Variants in PRKCE observed in about 807,000 individuals in gnomAD.
PRKCE encodes protein kinase C epsilon, also known as protein kinase C epsilon type.
PRKCE carries 16 observed loss-of-function variants against 85.4 expected under a neutral mutation model. The ratio of observed to expected loss-of-function variants is 0.19; its 90% CI spans 0.13 to 0.28. PRKCE has a LOEUF of 0.28. Among genes scored for constraint, PRKCE ranks in the 10% least tolerant of loss-of-function variants. PRKCE has a pLI of 1.00. For missense variants in PRKCE, 573 were observed against 975.2 expected (o/e 0.59, Z 5.49); for synonymous variants, 388 against 371.5 (o/e 1.04, Z -0.51).
intron 1 of PRKCE, among the ~76,000 whole-genome samples, chr2:45,803,548 G>C (rs935349339): frequency 1.6e-4 from 24 of 152,160 alleles, no homozygotes; most frequent in African/African-American, 5.5e-4. Context: ...TGCCCTGCTT[G>C]TCACATTTGA....
intron 11 of PRKCE, among the ~76,000 whole-genome samples, chr2:46,100,816 C>T (rs1237003160): frequency 6.6e-6 from 1 of 152,144 alleles, no homozygotes; most frequent in Non-Finnish European, 1.5e-5. Flanking sequence ...CACATTCTGT[C>T]TCTAGCTTCT....
chr2:46,076,884 A>C (rs1668603184), intron 10 of PRKCE, among the ~76,000 whole-genome samples: 1 of 152,228 alleles, frequency 6.6e-6, no homozygotes, highest in Non-Finnish European at 1.5e-5. Flanking sequence ...GAAATAACCC[A>C]GACACAGAAG....
chr2:46,141,501 G>A (rs1005396964), intron 11 of PRKCE, among the ~76,000 whole-genome samples: 2 of 152,194 alleles, frequency 1.3e-5, no homozygotes, highest in African/African-American at 4.8e-5. Flanking sequence ...AGAAAAGGGT[G>A]ACTAGGGAAT....
At chr2:45,850,782 A>C (rs187028687) in intron 2 of PRKCE, among the ~76,000 whole-genome samples, 64 of 152,240 alleles carry the variant, frequency 4.2e-4, no homozygotes, top group African/African-American at 1.4e-3. Flanking sequence ...AGGGGTGTAC[A>C]TGTGCCCAAG....
At chr2:45,765,925 T>G (rs1684876750) in intron 1 of PRKCE, among the ~76,000 whole-genome samples, 1 of 152,188 alleles carries the variant, frequency 6.6e-6, no homozygotes, top group Non-Finnish European at 1.5e-5. Context: ...GGAATTATAT[T>G]GGGTAACTGT....
rs547486387 is a variant in PRKCE, at chr2:46,187,508, C to T, written c.*2627C>T. 1.3e-5 allele frequency: 2 copies of T among 152,544 alleles called. No individual in the cohort carries two copies. Among genetic ancestry groups the T allele is most frequent in the Admixed American group, 1.3e-4 (2 of 15,218 alleles). 9.4% of individuals were successfully genotyped at this position (152,544 alleles called of 1,614,324 possible). ...GAAAATAGACACACTGTTAACACTT[C>T]TGCCAGTTTTTTCTGATCTTTCCAG... On this transcript the variant is annotated 3_prime_UTR_variant, in exon 15 of 15. Coordinates refer to ENST00000306156, the MANE Select transcript of PRKCE (RefSeq NM_005400.3).
intron 1 of PRKCE, among the ~76,000 whole-genome samples, chr2:45,663,921 T>C (rs2103774780): frequency 6.6e-6 from 1 of 152,266 alleles, no homozygotes; most frequent in African/African-American, 2.4e-5. Flanking sequence ...CAAAACAAAC[T>C]ATCCAAAGAA....
At chr2:45,837,702 C>T (rs1690998607) in intron 1 of PRKCE, among the ~76,000 whole-genome samples, 1 of 152,044 alleles carries the variant, frequency 6.6e-6, no homozygotes, top group Non-Finnish European at 1.5e-5. Context: ...TTCCTTAACC[C>T]CAGCTTTCTC....
At chr2:45,961,694 T>A (rs1201219680) in intron 2 of PRKCE, among the ~76,000 whole-genome samples, 1 of 123,220 alleles carries the variant, frequency 8.1e-6, no homozygotes, top group Non-Finnish European at 1.7e-5. Context: ...ATTGCCAGGA[T>A]TCTTTTTTTT....
intron 11 of PRKCE, among the ~76,000 whole-genome samples, chr2:46,144,792 G>A (rs1225772031): frequency 1.3e-5 from 2 of 152,184 alleles, no homozygotes; most frequent in Admixed American, 6.5e-5. Context: ...TAATATGAAT[G>A]TGGGTGCATA....
intron 6 of PRKCE, among the ~76,000 whole-genome samples, chr2:45,986,265 G>T (rs969324170): frequency 3.3e-5 from 5 of 152,238 alleles, no homozygotes; most frequent in Non-Finnish European, 7.3e-5. Flanking sequence ...TGTCTTAGTG[G>T]GACAGTGGGA....
At chr2:45,996,625 AC>A (rs1444613254) in intron 6 of PRKCE, among the ~76,000 whole-genome samples, 10 of 21,272 alleles carry the variant, frequency 4.7e-4, no homozygotes. Flanking sequence ...TCTATTGATA[AC>A]AATTGATTAC....
At chr2:45,834,922 A>T (rs1184898067) in intron 1 of PRKCE, among the ~76,000 whole-genome samples, 6 of 152,244 alleles carry the variant, frequency 3.9e-5, no homozygotes. Context: ...AAACACACAG[A>T]CAGATTTAAA....
At chr2:46,069,156 T>C (rs938340797) in intron 10 of PRKCE, among the ~76,000 whole-genome samples, 1 of 152,222 alleles carries the variant, frequency 6.6e-6, no homozygotes, top group Non-Finnish European at 1.5e-5. Context: ...AGAAGTGGCA[T>C]GTCTTCTAGT....
intron 1 of PRKCE, among the ~76,000 whole-genome samples, chr2:45,706,938 C>T (rs1679162078): frequency 6.6e-6 from 1 of 152,296 alleles, no homozygotes; most frequent in South Asian, 2.1e-4. Flanking sequence ...ACAGAATAAG[C>T]AATGACAGAC....
At chr2:45,805,002 C>T (rs1028382420) in intron 1 of PRKCE, among the ~76,000 whole-genome samples, 9 of 144,888 alleles carry the variant, frequency 6.2e-5, no homozygotes, top group Non-Finnish European at 1.2e-4. Context: ...GAAGAGATGA[C>T]TGTTCTAGAA....
intron 14 of PRKCE, among the ~76,000 whole-genome samples, chr2:46,179,990 A>G (rs1679810983): frequency 3.9e-5 from 6 of 152,228 alleles, no homozygotes; most frequent in Admixed American, 3.9e-4. Context: ...GCAGATATCT[A>G]TGGAGTATGC....
intron 6 of PRKCE, among the ~76,000 whole-genome samples, chr2:45,991,068 G>A (rs775443817): frequency 8.0e-5 from 12 of 150,644 alleles, no homozygotes; most frequent in Non-Finnish European, 1.6e-4. Context: ...GTGCAGCGGT[G>A]CAATCTCAGC....
intron 2 of PRKCE, among the ~76,000 whole-genome samples, chr2:45,859,000 C>T (rs57308534): frequency 0.11 from 17,319 of 150,926 alleles, 1,309 homozygotes; most frequent in African/African-American, 0.21. Context: ...AAGGTCAGGG[C>T]GTTGTATTCC....
Sources: gnomAD v4.1 joint callset for allele counts (sites outside exome capture counted in the v4.1 genomes callset) on GRCh38, gnomAD v4.1.1 for gene constraint, MANE v1.5 for transcripts, NCBI Gene and HGNC (gene_info 2026-07-23, HGNC 2026-07-21) for gene names.